Variants in CRISPLD1 observed in about 807,000 individuals in gnomAD.
CRISPLD1 encodes the protein cysteine rich secretory protein LCCL domain containing 1.
A neutral mutation model predicts 77.5 loss-of-function variants in CRISPLD1; 60 were observed. The observed-to-expected ratio is 0.77, with a 90% CI of 0.63 to 0.96. CRISPLD1 has a LOEUF of 0.96. CRISPLD1 is among the 40% of genes least tolerant of loss of function. CRISPLD1 has a pLI of 0.00. For missense variants in CRISPLD1, 623 were observed against 615.8 expected (o/e 1.01, Z -0.12); for synonymous variants, 195 against 200.1 (o/e 0.97, Z 0.22).
At chr8:74,997,862 G>A (rs1037618099) in intron 2 of CRISPLD1, among the ~76,000 whole-genome samples, 5 of 152,220 alleles carry the variant, frequency 3.3e-5, no homozygotes, top group Non-Finnish European at 5.9e-5. Context: ...CTTTCTGAGA[G>A]TAATTTCAGT....
At chr8:75,009,532 T>A (rs1352961823) in intron 2 of CRISPLD1, among the ~76,000 whole-genome samples, 1 of 151,868 alleles carries the variant, frequency 6.6e-6, no homozygotes, top group Admixed American at 6.6e-5. Flanking sequence ...CCAGGAACTG[T>A]TTCTATTTTT....
rs1280449020 is a variant in CRISPLD1, at chr8:74,984,743, A to T, written c.-240A>T. Reference sequence around the variant, plus strand: ...ATTTCTTCCAGGTTGAGGGAGCCGCAGAGGCGGAGGCTCGCGTATTCCTGC... The same window carrying T: ...ATTTCTTCCAGGTTGAGGGAGCCGCTGAGGCGGAGGCTCGCGTATTCCTGC... On this transcript the variant is annotated 5_prime_UTR_variant, in exon 1 of 15. Coordinates refer to ENST00000262207, the MANE Select transcript of CRISPLD1 (RefSeq NM_031461.6). 6.6e-6 allele frequency: 1 copy of T among 152,346 alleles called. No homozygotes were observed. The highest frequency in any genetic ancestry group is 1.5e-5 in the Non-Finnish European group (1 of 68,130). The allele number at this position is 152,346 out of a possible 1,614,324, so 9.4% of individuals were successfully genotyped here. A position where few individuals can be genotyped will look rare whatever the true frequency, so the allele number is the denominator to read the frequency against.
intron 2 of CRISPLD1, among the ~76,000 whole-genome samples, chr8:74,996,709 CTTTTTTTTTTT>C (rs1178454369): frequency 4.1e-5 from 3 of 73,350 alleles, no homozygotes; most frequent in East Asian, 4.0e-4. Context: ...GAGCCAGAAT[CTTTTTTTTTTT>C]TTTTTTTTTT....
At chr8:75,008,313 AGAGGAATTAAAAAAGAAGCTCTTTG>A (rs1250817278) in intron 2 of CRISPLD1, among the ~76,000 whole-genome samples, 1 of 152,170 alleles carries the variant, frequency 6.6e-6, no homozygotes, top group African/African-American at 2.4e-5. Context: ...TGAATAGTTC[AGAGGAATTAAAAAAGAAGCTCTTTG>A]GGCCATCTTG....
At chr8:74,997,014 G>A (rs1016515391) in intron 2 of CRISPLD1, among the ~76,000 whole-genome samples, 61 of 152,184 alleles carry the variant, frequency 4.0e-4, no homozygotes, top group Non-Finnish European at 8.4e-4. Flanking sequence ...ACTGTGCCTG[G>A]CCCCAGAATC....
chr8:75,016,161 G>A (rs1042159834), intron 6 of CRISPLD1, among the ~76,000 whole-genome samples: 1 of 152,132 alleles, frequency 6.6e-6, no homozygotes, highest in Non-Finnish European at 1.5e-5. Context: ...TTTGGGAGAA[G>A]TCTAAATGTG....
At position 75,018,285 on chromosome 8, in the gene CRISPLD1, C is replaced by T. The variant is rs140731494; in HGVS notation, c.1127+835C>T. Among the ~76,000 whole-genome samples, 1,414 of 150,452 alleles carry T rather than the reference C, an allele frequency of 9.4e-3. 9 individuals carry two copies. Among genetic ancestry groups the T allele is most frequent in the East Asian group, 0.043 (217 of 5,080 alleles). On this transcript the variant is annotated intron_variant, in intron 10 of 14. Coordinates refer to ENST00000262207, the MANE Select transcript of CRISPLD1 (RefSeq NM_031461.6). ...GTCTTTTTTTTTTATTGTTGTTTTT[C>T]GTTTGTTTGTTTTGTTTTTTGTCAC...
At chr8:74,988,728 G>A (rs1812530459) in intron 2 of CRISPLD1, among the ~76,000 whole-genome samples, 1 of 152,020 alleles carries the variant, frequency 6.6e-6, no homozygotes, top group Admixed American at 6.5e-5. Flanking sequence ...CCAGGTGCTG[G>A]GGAGGTTGAG....
chr8:75,020,878 T>C (rs1407002438), intron 12 of CRISPLD1, among the ~76,000 whole-genome samples: 2 of 152,224 alleles, frequency 1.3e-5, no homozygotes, highest in African/African-American at 2.4e-5. Flanking sequence ...TAATGGAATT[T>C]ATATACTATA....
intron 13 of CRISPLD1, among the ~76,000 whole-genome samples, 170 bp downstream of exon 13, chr8:75,025,791 T>G (rs895073931): frequency 2.6e-5 from 4 of 152,176 alleles, no homozygotes; most frequent in Admixed American, 2.6e-4. Flanking sequence ...AATATCCATA[T>G]GTACAATAAG....
intron 2 of CRISPLD1, chr8:75,000,303 T>G (rs970341083): frequency 3.0e-6 from 3 of 984,932 alleles, no homozygotes; most frequent in East Asian, 2.3e-4. Flanking sequence ...ATGATAAAAG[T>G]GTTGAGAGAG....
rs1325262138 is a variant in CRISPLD1 at position 75,013,026 on chromosome 8, T to A, written c.510+4T>A. ...TGTATGTACACATTATACACAGGTA[T>A]GTTTGGGGGGTATTATACTTAATTC... On this transcript the variant is annotated splice_donor_region_variant and intron_variant, in intron 4 of 14. Transcript: ENST00000262207. 6.4e-7 allele frequency: 1 copy of A among 1,573,530 alleles called. No homozygotes were observed. The highest frequency in any genetic ancestry group is 1.8e-5 in the Admixed American group (1 of 57,018).
Position 75,016,928 on chromosome 8 carries a change from A to C in CRISPLD1, c.916A>C (p.Thr306Pro). The C allele has an allele frequency of 6.4e-7, 1 of 1,563,492 alleles. No homozygotes were observed. The highest frequency in any genetic ancestry group is 8.7e-7 in the Non-Finnish European group (1 of 1,151,670). Residue 306 changes from threonine (T) to proline (P), a missense_variant, in exon 8 of 15, where the codon ACA (threonine) becomes CCA (proline). By Grantham distance (38) the Thr-to-Pro change is conservative (BLOSUM62 -1). Coordinates refer to ENST00000262207, the MANE Select transcript of CRISPLD1 (RefSeq NM_031461.6). ...AAGATTAAGAGATCAGTGCAAAGGA[A>C]CAACCTGCAATAGGTAATATTTGTT... is the stretch of plus-strand genomic sequence containing the variant. ...EVRLRDQCKG[T>P]TCNRYECPAG...
intron 14 of CRISPLD1, 131 bp downstream of exon 14, chr8:75,029,648 T>G (rs917962923): frequency 5.9e-6 from 5 of 844,484 alleles, no homozygotes; most frequent in African/African-American, 1.7e-5. Context: ...GTGTGTTCCT[T>G]TGCACACTTG....
At chr8:75,023,568 T>A (rs1813178072) in intron 12 of CRISPLD1, among the ~76,000 whole-genome samples, 1 of 152,222 alleles carries the variant, frequency 6.6e-6, no homozygotes, top group Non-Finnish European at 1.5e-5. Context: ...AAACTATAAC[T>A]ATTTCTTAGA....
At chr8:75,030,206 T>G (rs2128789446) in intron 14 of CRISPLD1, among the ~76,000 whole-genome samples, 1 of 152,270 alleles carries the variant, frequency 6.6e-6, no homozygotes, top group Middle Eastern at 3.4e-3. Flanking sequence ...ATTTCCTGGA[T>G]TCTTCAAAAT....
rs145826523 is a variant in CRISPLD1 at position 74,990,148 on chromosome 8, A to C, written c.258+3903A>C. On this transcript the variant is annotated intron_variant, in intron 2 of 14. Transcript: ENST00000262207. ...TGAGAAATTATGTAACGTGTATATT[A>C]CATTATGTAATACATGTAATTATGT... 2.7e-3 allele frequency among the ~76,000 whole-genome samples: 406 copies of C among 152,292 alleles called. 2 individuals are homozygous for C. Among genetic ancestry groups the C allele is most frequent in the African/African-American group, 9.0e-3 (376 of 41,564 alleles).
intron 2 of CRISPLD1, among the ~76,000 whole-genome samples, chr8:75,006,191 C>A (rs1266242705): frequency 6.6e-6 from 1 of 152,070 alleles, no homozygotes; most frequent in Non-Finnish European, 1.5e-5. Context: ...CTTTTTGTGT[C>A]TGAGCTAATG....
intron 14 of CRISPLD1, 97 bp from the exon 15 acceptor site, chr8:75,032,094 C>A: frequency 1.3e-6 from 1 of 785,306 alleles, no homozygotes; most frequent in Non-Finnish European, 2.1e-6. Flanking sequence ...ATTCATAGAG[C>A]TGCTTTCTTG....
Sources: allele counts gnomAD v4.1 joint callset (sites outside exome capture counted in the v4.1 genomes callset), GRCh38; gene constraint gnomAD v4.1.1; transcripts MANE v1.5; gene names NCBI Gene and HGNC (gene_info 2026-07-23, HGNC 2026-07-21).